BICD1: variants seen among roughly 807,000 people sequenced by gnomAD.
BICD1 encodes protein bicaudal D homolog 1.
Under a neutral mutation model 92.5 loss-of-function variants are expected in BICD1, and 35 were observed. That is an observed-to-expected ratio of 0.38 (90% confidence interval 0.29 to 0.50). The LOEUF (loss-of-function observed/expected upper bound fraction) is 0.50, where lower values mean the gene tolerates loss of function less well. BICD1 is among the 20% of genes least tolerant of loss of function. The probability of loss-of-function intolerance (pLI) is 0.93; values close to 1 mark genes in which losing one functional copy is unlikely to be tolerated. For synonymous variants in BICD1, 429 were observed against 465.1 expected, an observed-to-expected ratio of 0.92 and a Z score of 1.00; for missense variants, 950 against 1,189.8, an observed-to-expected ratio of 0.80 and a Z score of 2.97.
intron 1 of BICD1, among the ~76,000 whole-genome samples, chr12:32,131,946 C>T (rs1283204719): frequency 6.6e-6 from 1 of 152,160 alleles, no homozygotes; most frequent in Non-Finnish European, 1.5e-5. Context: ...AATAACAAGA[C>T]TGGCGGGGGT....
At chr12:32,285,742 T>C (rs930007512) in intron 2 of BICD1, among the ~76,000 whole-genome samples, 1 of 152,214 alleles carries the variant, frequency 6.6e-6, no homozygotes, top group African/African-American at 2.4e-5. Flanking sequence ...ATTCCCCTGT[T>C]GTGCCATTTT....
chr12:32,166,142 A>ATTTTTTT (rs1555140629), intron 1 of BICD1, among the ~76,000 whole-genome samples: 1 of 145,882 alleles, frequency 6.9e-6, no homozygotes, highest in Admixed American at 6.9e-5. Flanking sequence ...TTATTTATTT[A>ATTTTTTT]TTTATTTTTT....
chr12:32,171,090 T>G lies in BICD1; in HGVS notation c.214-45157T>G, dbSNP rs146430102. Among the ~76,000 whole-genome samples the G allele has an allele frequency of 4.1e-3, 618 of 152,366 alleles. 12 individuals are homozygous for G. The highest frequency in any genetic ancestry group is 0.014 in the African/African-American group (590 of 41,586). ...GATGTCTATTATGATAGACCGTTCT[T>G]AGAAGTTTACTGCTCCTCCTGGGGA... is the stretch of plus-strand genomic sequence containing the variant. On this transcript the variant is annotated intron_variant, in intron 1 of 9. Coordinates refer to ENST00000652176, the MANE Select transcript of BICD1 (RefSeq NM_001714.4).
rs183380445 is a variant in BICD1, at chr12:32,356,580, C to A, written c.2765-11090C>A. Reference sequence around the variant, plus strand: ...CCCGGGAAGCAGAGGTTGCAATGAGCCGAGAGCACACTACTGCACTCCAGC... The same window carrying A: ...CCCGGGAAGCAGAGGTTGCAATGAGACGAGAGCACACTACTGCACTCCAGC... On this transcript the variant is annotated intron_variant, in intron 8 of 9. Coordinates refer to ENST00000652176, the MANE Select transcript of BICD1 (RefSeq NM_001714.4). 1.4e-3 allele frequency among the ~76,000 whole-genome samples: 207 copies of A among 151,996 alleles called. 1 individual carries two copies. Among genetic ancestry groups the A allele is most frequent in the Middle Eastern group, 3.4e-3 (1 of 294 alleles).
chr12:32,251,811 C>T (rs1357572550), intron 2 of BICD1, among the ~76,000 whole-genome samples: 1 of 150,548 alleles, frequency 6.6e-6, no homozygotes, highest in Non-Finnish European at 1.5e-5. Context: ...GTGTAGTTTC[C>T]AGGTAAAGCA....
rs771769631 is a variant in BICD1, at chr12:32,306,046, C to T, written c.929C>T (p.Ser310Phe). Residue 310 changes from serine to phenylalanine, a missense_variant, in exon 4 of 10, where the codon TCT becomes TTT. By Grantham distance (155) the Ser-to-Phe change is radical (BLOSUM62 -2). This residue lies in a region of BICD1 where 246 missense variants were observed against 258.4 expected (regional missense o/e 0.95). Coordinates refer to ENST00000652176, the MANE Select transcript of BICD1 (RefSeq NM_001714.4). ...YRTPTLRKGE[S>F]LNPVSDLFSE... The stretch of plus-strand genomic sequence containing the variant: ...ACTCCCACCTTAAGGAAAGGAGAGT[C>T]TCTGAACCCTGTCTCTGACTTATTC... 1.5e-5 allele frequency: 25 copies of T among 1,613,946 alleles called. No individual in the cohort carries two copies. Among genetic ancestry groups the T allele is most frequent in the African/African-American group, 2.7e-5 (2 of 74,898 alleles).
chr12:32,201,562 G>A (rs1047206912), intron 1 of BICD1, among the ~76,000 whole-genome samples: 2 of 152,070 alleles, frequency 1.3e-5, no homozygotes, highest in South Asian at 4.1e-4. Flanking sequence ...TTTTAATTGG[G>A]AAATGTAATG....
chr12:32,246,029 C>CAAAAAAAAA (rs71068311), intron 2 of BICD1, among the ~76,000 whole-genome samples: 13 of 44,084 alleles, frequency 2.9e-4, no homozygotes, highest in South Asian at 1.5e-3. Flanking sequence ...TACTCTGTCT[C>CAAAAAAAAA]AAAAAAAAAA....
At chr12:32,352,181 G>C (rs529949537) in intron 8 of BICD1, among the ~76,000 whole-genome samples, 1 of 151,898 alleles carries the variant, frequency 6.6e-6, no homozygotes, top group South Asian at 2.1e-4. Flanking sequence ...CTCTAGCCTG[G>C]GTGACAGAGC....
chr12:32,230,823 G>A (rs1945862685), intron 2 of BICD1, among the ~76,000 whole-genome samples: 1 of 150,952 alleles, frequency 6.6e-6, no homozygotes, highest in Admixed American at 6.7e-5. Flanking sequence ...GTGTCCCCAA[G>A]GGAGAGTCAG....
chr12:32,269,066 C>T (rs1947072368), intron 2 of BICD1, among the ~76,000 whole-genome samples: 2 of 152,050 alleles, frequency 1.3e-5, no homozygotes, highest in African/African-American at 2.4e-5. Flanking sequence ...TTTCCAAGTT[C>T]CCATGTGATG....
At chr12:32,185,874 T>C (rs1347650979) in intron 1 of BICD1, among the ~76,000 whole-genome samples, 1 of 152,194 alleles carries the variant, frequency 6.6e-6, no homozygotes, top group Non-Finnish European at 1.5e-5. Context: ...CATTTCATCT[T>C]TTCCCTGGGT....
At position 32,338,815 on chromosome 12, in the gene BICD1, G is replaced by A. The variant is rs751625209; in HGVS notation, c.2600G>A (p.Ser867Asn). The A allele has an allele frequency of 6.2e-7, 1 of 1,600,096 alleles. No homozygotes were observed. The highest frequency in any genetic ancestry group is 1.1e-5 in the South Asian group (1 of 88,562). Residue 867 changes from serine to asparagine, a missense_variant, in exon 8 of 10, where the codon AGC (serine) becomes AAC (asparagine). Physicochemically the swap from Ser to Asn is conservative, Grantham distance 46 (BLOSUM62 1). Coordinates refer to ENST00000652176, the MANE Select transcript of BICD1 (RefSeq NM_001714.4). The part of the protein sequence containing the change: ...RQFSPSLCDQ[S>N]RPRTSGASYL... ...TTTTCACCTTCCCTTTGTGATCAGA[G>A]CCGTCCCAGGACTTCAGGGGCTTCC...
At chr12:32,220,994 AC>A (rs1945501768) in intron 2 of BICD1, among the ~76,000 whole-genome samples, 3 of 149,928 alleles carry the variant, frequency 2.0e-5, no homozygotes, top group South Asian at 4.3e-4. Context: ...TATTGCAAGA[AC>A]AAAAAACCAA....
chr12:32,323,411 C>A (rs1229859464), intron 4 of BICD1, among the ~76,000 whole-genome samples: 4 of 152,202 alleles, frequency 2.6e-5, no homozygotes, highest in Non-Finnish European at 4.4e-5. Flanking sequence ...TAACTCACTT[C>A]ATCATCAAAA....
At chr12:32,194,511 C>T (rs758832184) in intron 1 of BICD1, among the ~76,000 whole-genome samples, 33 of 152,136 alleles carry the variant, frequency 2.2e-4, no homozygotes, top group Admixed American at 1.7e-3. Flanking sequence ...AATTAACATA[C>T]AAATATTAGT....
rs369902961 is a variant in BICD1, at chr12:32,293,931, T to G, written c.427-63T>G. 9 of 1,522,364 alleles carry G rather than the reference T, an allele frequency of 5.9e-6. No homozygotes were observed. In the African/African-American group the frequency reaches 1.3e-4, roughly 21 times the overall value. 94.3% of individuals were successfully genotyped at this position (1,522,364 alleles called of 1,614,324 possible). ...TATTATTATTTTTAACTACCAGGAC[T>G]TTACACCTTGTAAAATCTACAATAA... On this transcript the variant is annotated intron_variant, in intron 2 of 9. Coordinates refer to ENST00000652176, the MANE Select transcript of BICD1 (RefSeq NM_001714.4).
At chr12:32,342,166 GTATATATATA>G (rs1423103796) in intron 8 of BICD1, among the ~76,000 whole-genome samples, 2 of 123,956 alleles carry the variant, frequency 1.6e-5, no homozygotes. Flanking sequence ...GTATATATAT[GTATATATATA>G]TGTGTGTATA....
chr12:32,342,122 A>G (rs922528461), intron 8 of BICD1, among the ~76,000 whole-genome samples: 25 of 137,934 alleles, frequency 1.8e-4, no homozygotes, highest in Non-Finnish European at 3.8e-4. Context: ...TTTTACATAT[A>G]TATGTATATA....
Sources: allele counts gnomAD v4.1 joint callset (sites outside exome capture counted in the v4.1 genomes callset), GRCh38; gene constraint gnomAD v4.1.1; regional missense constraint gnomAD v4.1.1; transcripts MANE v1.5; gene names NCBI Gene and HGNC (gene_info 2026-07-23, HGNC 2026-07-21).